Variants in MED12L observed in about 807,000 individuals in gnomAD.
MED12L encodes the protein mediator complex subunit 12L.
Under a neutral mutation model 281.3 loss-of-function variants are expected in MED12L, and 60 were observed. The ratio of observed to expected loss-of-function variants is 0.21; its 90% CI spans 0.17 to 0.26. The LOEUF is 0.26. Ranked by LOEUF, MED12L falls within the 10% of genes least tolerant of loss-of-function variation. MED12L has a pLI of 1.00. For missense variants in MED12L, 2,146 were observed against 2,680.9 expected (o/e 0.80, Z 4.41); for synonymous variants, 974 against 987.2 (o/e 0.99, Z 0.25).
chr3:151,243,027 T>G (rs971143966), intron 16 of MED12L, among the ~76,000 whole-genome samples: 1 of 151,000 alleles, frequency 6.6e-6, no homozygotes, highest in African/African-American at 2.4e-5. Context: ...CGATGGAAGA[T>G]GAAATGAATG....
Position 151,358,984 on chromosome 3 carries a change from G to A in MED12L, c.2826-1490G>A, listed in dbSNP as rs567608278. ...GATTTATTACAGGTTTATTACAAAGGTATATTGCTTGGTGCTGAGGTTTCA... is the reference window on the plus strand; with the variant it reads ...GATTTATTACAGGTTTATTACAAAGATATATTGCTTGGTGCTGAGGTTTCA... On this transcript the variant is annotated intron_variant, in intron 20 of 44. Coordinates refer to ENST00000687756, the MANE Select transcript of MED12L (RefSeq NM_001393769.1). 1.4e-4 allele frequency among the ~76,000 whole-genome samples: 22 copies of A among 152,206 alleles called. No individual in the cohort carries two copies. In the South Asian group the frequency reaches 2.3e-3, roughly 16 times the overall value.
chr3:151,327,331 C>T (rs1577339265), intron 16 of MED12L: 1 of 152,182 alleles, frequency 6.6e-6, no homozygotes, highest in East Asian at 1.9e-4. Context: ...ACACAGCATT[C>T]TCACACTTGA....
intron 43 of MED12L, among the ~76,000 whole-genome samples, chr3:151,429,944 A>G (rs1719293279): frequency 6.6e-6 from 1 of 152,064 alleles, no homozygotes; most frequent in African/African-American, 2.4e-5. Flanking sequence ...GAGAGCTTTC[A>G]TTTTGCCAGT....
At chr3:151,185,104 A>G (rs6765294) in intron 11 of MED12L, among the ~76,000 whole-genome samples, 33,388 of 152,016 alleles carry the variant, frequency 0.22, 3,936 homozygotes, top group East Asian at 0.34. Context: ...GGGAAGCTCT[A>G]ATTCTTTTGG....
chr3:151,419,999 C>G (rs1025218149), intron 43 of MED12L, among the ~76,000 whole-genome samples: 6 of 152,224 alleles, frequency 3.9e-5, no homozygotes, highest in Non-Finnish European at 7.3e-5. Context: ...CCTTCTTCTG[C>G]TACCCATTCT....
At chr3:151,297,479 C>G (rs1745259797) in intron 16 of MED12L, among the ~76,000 whole-genome samples, 1 of 152,204 alleles carries the variant, frequency 6.6e-6, no homozygotes, top group Non-Finnish European at 1.5e-5. Flanking sequence ...CTGAGGGACA[C>G]AGCCTGAAAA....
At chr3:151,131,355 C>T (rs1488287196) in intron 5 of MED12L, among the ~76,000 whole-genome samples, 1 of 152,198 alleles carries the variant, frequency 6.6e-6, no homozygotes, top group East Asian at 1.9e-4. Context: ...AATCCCACCA[C>T]TTTGGGAGAA....
At chr3:151,321,897 C>G (rs1315610413) in intron 16 of MED12L, among the ~76,000 whole-genome samples, 1 of 152,020 alleles carries the variant, frequency 6.6e-6, no homozygotes, top group Admixed American at 6.6e-5. Context: ...GACTTCCTTT[C>G]TTCCCATCTT....
At chr3:151,122,195 A>T (rs1335362873) in intron 3 of MED12L, among the ~76,000 whole-genome samples, 1 of 152,186 alleles carries the variant, frequency 6.6e-6, no homozygotes. Context: ...TTCTCTTGAA[A>T]CATTGTAGTT....
At chr3:151,369,637 T>A in intron 26 of MED12L, 88 bp downstream of exon 26, 1 of 835,258 alleles carries the variant, frequency 1.2e-6, no homozygotes, top group Non-Finnish European at 1.8e-6. Flanking sequence ...CTAGTAGTAT[T>A]ATTGGAAACA....
chr3:151,132,555 T>C (rs1349731290), intron 5 of MED12L, among the ~76,000 whole-genome samples: 2 of 152,198 alleles, frequency 1.3e-5, no homozygotes, highest in African/African-American at 2.4e-5. Context: ...CATATCCCAA[T>C]ACTGATGGTG....
At chr3:151,285,491 GA>G (rs983876225) in intron 16 of MED12L, among the ~76,000 whole-genome samples, 58 of 141,244 alleles carry the variant, frequency 4.1e-4, no homozygotes, top group Admixed American at 1.3e-3. Flanking sequence ...CTGTCTCAAA[GA>G]AAAAAAAAAA....
chr3:151,218,083 T>C (rs1728591276), intron 16 of MED12L, among the ~76,000 whole-genome samples: 1 of 152,228 alleles, frequency 6.6e-6, no homozygotes, highest in South Asian at 2.1e-4. Flanking sequence ...GATGATTTAA[T>C]GTCCTCATAC....
intron 43 of MED12L, among the ~76,000 whole-genome samples, chr3:151,417,750 G>C (rs1360325011): frequency 6.6e-6 from 1 of 152,120 alleles, no homozygotes; most frequent in East Asian, 1.9e-4. Context: ...GATTACAGGC[G>C]TGAGCCACTG....
chr3:151,151,046 T>TTTTTTTTTTTTTTTTTTG (rs1718422383), intron 5 of MED12L, among the ~76,000 whole-genome samples: 1 of 121,906 alleles, frequency 8.2e-6, no homozygotes, highest in Non-Finnish European at 1.7e-5. Context: ...TTTTTTTTTT[T>TTTTTTTTTTTTTTTTTTG]TTTTTTTTGA....
At chr3:151,170,037 A>T (rs1178369562) in intron 11 of MED12L, among the ~76,000 whole-genome samples, 1 of 152,078 alleles carries the variant, frequency 6.6e-6, no homozygotes, top group Admixed American at 6.5e-5. Context: ...GGGAGGGGAG[A>T]ACTTCTGTCT....
At chr3:151,296,701 T>A (rs1357866734) in intron 16 of MED12L, among the ~76,000 whole-genome samples, 2 of 152,066 alleles carry the variant, frequency 1.3e-5, no homozygotes, top group Admixed American at 6.5e-5. Context: ...GCACATTTTA[T>A]CATCATTATT....
intron 16 of MED12L, among the ~76,000 whole-genome samples, chr3:151,219,900 C>T (rs1015523947): frequency 1.4e-5 from 2 of 140,274 alleles, no homozygotes; most frequent in Admixed American, 7.1e-5. Context: ...TACCCCCCCC[C>T]CCCCCTTGGA....
Position 151,411,403 on chromosome 3 carries a change from C to T in MED12L, c.6036C>T (p.Ser2012=). Residue 2012 remains serine (S), a synonymous_variant, in exon 41 of 45, where the codon TCC becomes TCT. Coordinates refer to ENST00000687756, the MANE Select transcript of MED12L (RefSeq NM_001393769.1). ...YNSRAYPAAH[S]NPVLMERLRQ... is the part of the protein sequence containing the mutation. The stretch of plus-strand genomic sequence containing the variant: ...CCAGAGCCTATCCGGCCGCACATTC[C>T]AACCCCGTGCTAATGGAAAGACTCA... The T allele has an allele frequency of 6.2e-7, 1 of 1,614,174 alleles. No individual in the cohort carries two copies. The highest frequency in any genetic ancestry group is 8.5e-7 in the Non-Finnish European group (1 of 1,180,040).
Sources: gnomAD v4.1 joint callset for allele counts (sites outside exome capture counted in the v4.1 genomes callset) on GRCh38, gnomAD v4.1.1 for gene constraint, MANE v1.5 for transcripts, NCBI Gene and HGNC (gene_info 2026-07-23, HGNC 2026-07-21) for gene names.